The following YWHAB variants were observed in gnomAD, a reference collection of about 807,000 sequenced individuals.
The protein encoded by YWHAB is tyrosine 3-monooxygenase/tryptophan 5-monooxygenase activation protein beta.
YWHAB carries 2 observed loss-of-function variants against 28.5 expected under a neutral mutation model. The observed-to-expected ratio is 0.07, with a 90% CI of 0.03 to 0.22. The LOEUF is 0.22. Ranked by LOEUF, YWHAB falls within the 10% of genes least tolerant of loss-of-function variation. The probability of loss-of-function intolerance (pLI) is 1.00; values close to 1 mark genes in which losing one functional copy is unlikely to be tolerated. For synonymous variants in YWHAB, 103 were observed against 104.7 expected, an observed-to-expected ratio of 0.98 and a Z score of 0.10; for missense variants, 148 against 297.1, an observed-to-expected ratio of 0.50 and a Z score of 3.69.
chr20:44,887,318 C>T (rs1217042774), intron 1 of YWHAB: 9 of 152,182 alleles, frequency 5.9e-5, no homozygotes, highest in Non-Finnish European at 1.2e-4. Flanking sequence ...AATCCTGTAG[C>T]AACTGCAGAA....
At chr20:44,902,027 C>T (rs2066630124) in intron 2 of YWHAB, 194 bp downstream of exon 2, 1 of 526,130 alleles carries the variant, frequency 1.9e-6, no homozygotes, top group African/African-American at 1.9e-5. Context: ...GGTTGTACAT[C>T]ACTTCTGAGA....
At chr20:44,892,426 T>C (rs1388033812) in intron 1 of YWHAB, among the ~76,000 whole-genome samples, 1 of 152,184 alleles carries the variant, frequency 6.6e-6, no homozygotes, top group East Asian at 1.9e-4. Flanking sequence ...TGCTGTTTTT[T>C]TTTTTAATTG....
At chr20:44,905,972 A>G (rs763907268) in intron 4 of YWHAB, 29 bp from the exon 5 acceptor site, 1 of 1,589,436 alleles carries the variant, frequency 6.3e-7, no homozygotes, top group South Asian at 1.1e-5. Flanking sequence ...AGAACTTGTG[A>G]ATTCTTTGCT....
At chr20:44,888,254 C>T (rs997681244) in intron 1 of YWHAB, among the ~76,000 whole-genome samples, 8 of 152,192 alleles carry the variant, frequency 5.3e-5, no homozygotes, top group African/African-American at 1.9e-4. Context: ...GTGATTTATT[C>T]ACCAACTGAT....
intron 1 of YWHAB, among the ~76,000 whole-genome samples, chr20:44,897,255 G>A (rs548126377): frequency 2.8e-4 from 42 of 152,302 alleles, no homozygotes; most frequent in Non-Finnish European, 3.5e-4. Context: ...TTTAGCAACG[G>A]CAATCCTTTA....
At position 44,906,830 on chromosome 20, in the gene YWHAB, A is replaced by G. The variant is rs540408961; in HGVS notation, c.*392A>G. On this transcript the variant is annotated 3_prime_UTR_variant, in exon 6 of 6. Transcript: ENST00000353703. ...ATATCAAAATAATCATTGAAATACA[A>G]TTCCATTGTAAAGTTGTACAGAAAG... 3.5e-4 allele frequency: 56 copies of G among 160,402 alleles called. 1 individual carries two copies. The highest frequency in any genetic ancestry group is 1.2e-3 in the African/African-American group (51 of 41,746). 9.9% of individuals were successfully genotyped at this position (160,402 alleles called of 1,614,324 possible). A position where few individuals can be genotyped will look rare whatever the true frequency, so the allele number is the denominator to read the frequency against.
In YWHAB at chr20:44,889,634, A is replaced by G. The variant is rs2066549153; in HGVS notation, c.-4+3748A>G. Among the ~76,000 whole-genome samples the G allele has an allele frequency of 2.0e-5, 3 of 152,118 alleles. No homozygotes were observed. The South Asian group carries it at 6.2e-4, about 31-fold the overall frequency. On this transcript the variant is annotated intron_variant, in intron 1 of 5. Coordinates refer to ENST00000353703, the MANE Select transcript of YWHAB (RefSeq NM_139323.4). Reference sequence around the variant, plus strand: ...AATAAAGTAGATATGAGTCCTGTCTATTATTATTATTTGCCCTCAGCTAAG... The same window carrying G: ...AATAAAGTAGATATGAGTCCTGTCTGTTATTATTATTTGCCCTCAGCTAAG...
chr20:44,895,137 C>T (rs933452606), intron 1 of YWHAB, among the ~76,000 whole-genome samples: 1 of 152,160 alleles, frequency 6.6e-6, no homozygotes, highest in African/African-American at 2.4e-5. Context: ...TCAGTGAGGG[C>T]TAGGGCAGTC....
intron 3 of YWHAB, among the ~76,000 whole-genome samples, chr20:44,904,432 T>C (rs1350131955): frequency 6.6e-6 from 1 of 151,704 alleles, no homozygotes; most frequent in Non-Finnish European, 1.5e-5. Context: ...TAGTGATGCA[T>C]TGCATTTATC....
intron 1 of YWHAB, chr20:44,887,791 C>G (rs1185053924): frequency 2.0e-5 from 3 of 152,224 alleles, no homozygotes; most frequent in Non-Finnish European, 4.4e-5. Context: ...CTTTCTGAAT[C>G]TTCAGCATGT....
rs35619333 is a variant in YWHAB, at chr20:44,890,500, C to CTTTT, written c.-4+4637_-4+4640dup. On this transcript the variant is annotated intron_variant, in intron 1 of 5. Coordinates refer to ENST00000353703, the MANE Select transcript of YWHAB (RefSeq NM_139323.4). ...CCAAAGATACAAGTCTGGATTCCTA[C>CTTTT]TTTTTTTTTTTTTTTTTTTTTTTTT... Among the ~76,000 whole-genome samples, 22 of 86,390 alleles carry CTTTT rather than the reference C, an allele frequency of 2.5e-4. 1 individual carries two copies. Among genetic ancestry groups the CTTTT allele is most frequent in the African/African-American group, 4.9e-4 (11 of 22,418 alleles). 56.7% of individuals were successfully genotyped at this position (86,390 alleles called of 152,430 possible).
At chr20:44,894,193 C>T (rs6031855) in intron 1 of YWHAB, among the ~76,000 whole-genome samples, 43,291 of 152,108 alleles carry the variant, frequency 0.28, 6,500 homozygotes, top group Middle Eastern at 0.38. Context: ...GCACGTCAGT[C>T]TCTTCCTGAA....
rs1042927715 is a variant in YWHAB, at chr20:44,908,406, G to A, written c.*1968G>A. ...AGTATAGCAAAAAAGAAAAATCCCC[G>A]GTTATTGATGTACTAGATTTGTGTA... On this transcript the variant is annotated 3_prime_UTR_variant, in exon 6 of 6. Transcript: ENST00000353703. 3.9e-5 allele frequency: 6 copies of A among 152,494 alleles called. No homozygotes were observed. The highest frequency in any genetic ancestry group is 2.1e-4 in the South Asian group (1 of 4,828). 9.4% of individuals were successfully genotyped at this position (152,494 alleles called of 1,614,324 possible).
rs959442942 is a variant in YWHAB, at chr20:44,906,533, T to C, written c.*95T>C. On this transcript the variant is annotated 3_prime_UTR_variant, in exon 6 of 6. Transcript: ENST00000353703. ...AAAAAAAAAAAAAAAAAAAAGAGAA[T>C]CGTACGTCGACTTTCGATTTTTCAC... The C allele has an allele frequency of 6.8e-5, 70 of 1,024,922 alleles. 1 individual carries two copies. The highest frequency in any genetic ancestry group is 1.6e-5 in the African/African-American group (1 of 60,656). The allele number at this position is 1,024,922 out of a possible 1,614,324, so 63.5% of individuals were successfully genotyped here.
At chr20:44,898,708 G>C (rs545825015) in intron 1 of YWHAB, among the ~76,000 whole-genome samples, 2 of 151,938 alleles carry the variant, frequency 1.3e-5, no homozygotes, top group Non-Finnish European at 2.9e-5. Context: ...GGGTTTCACC[G>C]TGTTAGCCAG....
chr20:44,887,145 C>T (rs147912674), intron 1 of YWHAB: 1 of 152,182 alleles, frequency 6.6e-6, no homozygotes, highest in Non-Finnish European at 1.5e-5. Flanking sequence ...TTGACTGCTT[C>T]CAGTGTACCC....
At position 44,904,273 on chromosome 20, in the gene YWHAB, C is replaced by A. The variant is rs1378747621; in HGVS notation, c.424+157C>A. 2.6e-5 allele frequency among the ~76,000 whole-genome samples: 4 copies of A among 152,070 alleles called. No homozygotes were observed. In the East Asian group the frequency reaches 7.7e-4, roughly 29 times the overall value. On this transcript the variant is annotated intron_variant, in intron 3 of 5. Coordinates refer to ENST00000353703, the MANE Select transcript of YWHAB (RefSeq NM_139323.4). ...GCATTGTGACGAACGGGGTCATGGG[C>A]GGGCAAATAAAAATTTATCTGACAG... is the stretch of plus-strand genomic sequence containing the variant.
intron 2 of YWHAB, chr20:44,903,048 CCACATTCTAAAA>C: frequency 1.0e-6 from 1 of 986,196 alleles, no homozygotes; most frequent in Non-Finnish European, 1.2e-6. Flanking sequence ...TTTCAGGATG[CCACATTCTAAAA>C]CAACTCTTCG....
intron 1 of YWHAB, among the ~76,000 whole-genome samples, chr20:44,895,019 C>T (rs530838239): frequency 6.6e-6 from 1 of 152,196 alleles, no homozygotes; most frequent in Non-Finnish European, 1.5e-5. Flanking sequence ...AGGGCACACA[C>T]GTGAAGCTGT....
Sources: gnomAD v4.1 joint callset for allele counts (sites outside exome capture counted in the v4.1 genomes callset) on GRCh38, gnomAD v4.1.1 for gene constraint, MANE v1.5 for transcripts, NCBI Gene and HGNC (gene_info 2026-07-23, HGNC 2026-07-21) for gene names.